The following RBBP8NL variants were observed in gnomAD, a reference collection of about 807,000 sequenced individuals.
RBBP8NL encodes RBBP8 N-terminal-like protein.
RBBP8NL carries 59 observed loss-of-function variants against 62.2 expected under a neutral mutation model. The observed-to-expected ratio is 0.95, with a 90% CI of 0.77 to 1.18. The LOEUF is 1.18. RBBP8NL is among the 50% of genes most tolerant of loss of function. The pLI is 0.00. For synonymous variants in RBBP8NL, 412 were observed against 394.1 expected (o/e 1.05, Z -0.54); for missense variants, 896 against 899.5 (o/e 1.00, Z 0.05).
intron 8 of RBBP8NL, 77 bp from the exon 9 acceptor site, chr20:62,415,364 C>A: frequency 6.8e-7 from 1 of 1,471,938 alleles, no homozygotes; most frequent in African/African-American, 1.4e-5. Flanking sequence ...CCTCTGCTGC[C>A]TGCCCTGGGC....
intron 1 of RBBP8NL, among the ~76,000 whole-genome samples, chr20:62,422,584 T>A (rs866271058): frequency 6.7e-4 from 37 of 54,980 alleles, no homozygotes; most frequent in African/African-American, 2.8e-3. Flanking sequence ...GGATGGCGAC[T>A]GGGGTGGGGA....
At chr20:62,416,280 G>T in intron 5 of RBBP8NL, 44 bp from the exon 6 acceptor site, 3 of 602,868 alleles carry the variant, frequency 5.0e-6, no homozygotes, top group South Asian at 1.5e-5. Flanking sequence ...GGTTGGGGGG[G>T]ACAGGGGCAG....
At position 62,421,222 on chromosome 20, in the gene RBBP8NL, C is replaced by T. The variant is rs974825754; in HGVS notation, c.-83-1492G>A. Among the ~76,000 whole-genome samples, 45 of 152,094 alleles carry T rather than the reference C, an allele frequency of 3.0e-4. 1 individual carries two copies. The highest frequency in any genetic ancestry group is 3.4e-3 in the Middle Eastern group (1 of 294). On this transcript the variant is annotated intron_variant, in intron 1 of 13. Transcript: ENST00000252998. ...CGGGTGGGGGAGTGTGTGTGTTTGC[C>T]GTGTGTGTGCACGCCCGAGCCAGTG...
At chr20:62,418,562 C>G in intron 2 of RBBP8NL, 97 bp from the exon 3 acceptor site, 1 of 1,211,564 alleles carries the variant, frequency 8.3e-7, no homozygotes, top group Non-Finnish European at 1.2e-6. Flanking sequence ...CAATGTGGCA[C>G]TCCTGTCCCC....
rs1219482136 is a variant in RBBP8NL at position 62,417,981 on chromosome 20, C to A, written c.104+442G>T. On this transcript the variant is annotated intron_variant, in intron 3 of 13. Transcript: ENST00000252998. ...TGTGACGTCTGTCCTGTCCACACAC[C>A]GCCCCCCCTGTCATCTGCACGCTCC... Among the ~76,000 whole-genome samples, 11 of 129,380 alleles carry A rather than the reference C, an allele frequency of 8.5e-5. 1 individual carries two copies. The highest frequency in any genetic ancestry group is 6.0e-4 in the Admixed American group (8 of 13,332). 84.9% of individuals were successfully genotyped at this position (129,380 alleles called of 152,430 possible).
chr20:62,419,470 A>C lies in RBBP8NL; in HGVS notation c.61+117T>G, dbSNP rs536721563. The C allele has an allele frequency of 2.7e-5, 30 of 1,119,862 alleles. No individual in the cohort carries two copies. The South Asian group carries it at 4.1e-4, about 15-fold the overall frequency. The allele number at this position is 1,119,862 out of a possible 1,614,324, so 69.4% of individuals were successfully genotyped here. ...TGCCTGGGCCAAAAAGACGGGGTCC[A>C]TTCCCTGACTTGGTGGGAATTGGAG... On this transcript the variant is annotated intron_variant, in intron 2 of 13. Transcript: ENST00000252998.
rs549605827 is a variant in RBBP8NL at position 62,423,587 on chromosome 20, G to A, written c.-83-3857C>T. ...CTGGGCCGACGCCCATAAAGGAGCC[G>A]CCCAAGGGAGCCCATGGTGCCTGCG... On this transcript the variant is annotated intron_variant, in intron 1 of 13. Transcript: ENST00000252998. Among the ~76,000 whole-genome samples the A allele has an allele frequency of 7.2e-5, 11 of 152,290 alleles. No individual in the cohort carries two copies. The South Asian group carries it at 8.3e-4, about 11-fold the overall frequency.
In RBBP8NL at chr20:62,416,232, G is replaced by A. The variant is rs777139388; in HGVS notation, c.318C>T (p.Asn106=). The A allele has an allele frequency of 5.7e-6, 9 of 1,591,862 alleles. No homozygotes were observed. The highest frequency in any genetic ancestry group is 5.4e-5 in the African/African-American group (4 of 73,924). Residue 106 remains asparagine (N), a synonymous_variant, in exon 6 of 14, where the codon AAC becomes AAT. Transcript: ENST00000252998. The part of the protein sequence containing the change: ...QNLQRIFILT[N]EMNGLKEENE... ...TCTCTTCCTTCAGCCCGTTCATCTC[G>A]TTGGCTGCAAAAGGCACTGATGAGC...
Position 62,414,039 on chromosome 20 carries a change from G to A in RBBP8NL, c.1312C>T (p.Leu438=), listed in dbSNP as rs1292890167. 2 of 1,591,298 alleles carry A rather than the reference G, an allele frequency of 1.3e-6. No individual in the cohort carries two copies. The highest frequency in any genetic ancestry group is 1.7e-6 in the Non-Finnish European group (2 of 1,169,968). ...TCCGAGAGGTCCAGGGGCTTGTCTA[G>A]GGCACAGTCCTGCGTGGCTGCAGCC... The part of the protein sequence containing the change: ...TEAAATQDCA[L]DKPLDLSEWG... Residue 438 remains leucine, a synonymous_variant, in exon 10 of 14, where the codon CTA becomes TTA. Transcript: ENST00000252998.
At chr20:62,422,636 C>A (rs1222379826) in intron 1 of RBBP8NL, among the ~76,000 whole-genome samples, 1 of 89,088 alleles carries the variant, frequency 1.1e-5, no homozygotes, top group East Asian at 3.9e-4. Flanking sequence ...GGGGATGGGG[C>A]CCGGGGTGGG....
chr20:62,413,390 G>C lies in RBBP8NL; in HGVS notation c.1675+11C>G, dbSNP rs772294634. On this transcript the variant is annotated intron_variant, in intron 11 of 13. Transcript: ENST00000252998. ...TCCCAGCTGGACTCTGACCCCAGGT[G>C]CTGACTGTACCTGGGTGGCCGTCCA... 4 of 1,423,632 alleles carry C rather than the reference G, an allele frequency of 2.8e-6. No homozygotes were observed. The highest frequency in any genetic ancestry group is 3.7e-6 in the Non-Finnish European group (4 of 1,089,724). 88.2% of individuals were successfully genotyped at this position (1,423,632 alleles called of 1,614,324 possible).
chr20:62,417,923 C>T (rs1331285520), intron 3 of RBBP8NL, among the ~76,000 whole-genome samples: 1 of 80,668 alleles, frequency 1.2e-5, no homozygotes, highest in Non-Finnish European at 2.4e-5. Context: ...GTCCTGTCCA[C>T]GCAACGCCCC....
At chr20:62,419,397 C>A (rs2146442842) in intron 2 of RBBP8NL, among the ~76,000 whole-genome samples, 190 bp downstream of exon 2, 1 of 152,272 alleles carries the variant, frequency 6.6e-6, no homozygotes, top group African/African-American at 2.4e-5. Flanking sequence ...CGGGCCCAGG[C>A]AGGGTGTCTG....
intron 1 of RBBP8NL, among the ~76,000 whole-genome samples, chr20:62,425,534 G>T (rs1427305689): frequency 6.6e-6 from 1 of 152,238 alleles, no homozygotes; most frequent in Non-Finnish European, 1.5e-5. Flanking sequence ...ACATTGTCCG[G>T]CCGAGTGCCA....
chr20:62,413,352 T>A, intron 11 of RBBP8NL, 49 bp downstream of exon 11: 1 of 1,374,204 alleles, frequency 7.3e-7, no homozygotes, highest in Non-Finnish European at 9.4e-7. Flanking sequence ...TCTCTCTCCG[T>A]GGGGAAAACA....
chr20:62,419,518 C>T (rs1988653304), intron 2 of RBBP8NL, 69 bp downstream of exon 2: 2 of 1,529,782 alleles, frequency 1.3e-6, no homozygotes, highest in African/African-American at 2.7e-5. Context: ...GCACAGTGGC[C>T]TGCTCCGACC....
chr20:62,423,923 C>T (rs1385304668), intron 1 of RBBP8NL, among the ~76,000 whole-genome samples: 1 of 152,142 alleles, frequency 6.6e-6, no homozygotes, highest in Non-Finnish European at 1.5e-5. Context: ...CTGGCTTTTT[C>T]TTCCCGAGTC....
intron 6 of RBBP8NL, 102 bp downstream of exon 6, chr20:62,416,062 G>A (rs1988557668): frequency 1.4e-5 from 21 of 1,471,170 alleles, no homozygotes; most frequent in Non-Finnish European, 1.9e-5. Flanking sequence ...GACACTGCCT[G>A]AGAGTCCTCC....
chr20:62,421,861 T>C (rs180749719), intron 1 of RBBP8NL, among the ~76,000 whole-genome samples: 1 of 150,648 alleles, frequency 6.6e-6, no homozygotes, highest in Non-Finnish European at 1.5e-5. Flanking sequence ...GTGTGTGCCA[T>C]GTGTGTGCAT....
Sources: gnomAD v4.1 joint callset for allele counts (sites outside exome capture counted in the v4.1 genomes callset) on GRCh38, gnomAD v4.1.1 for gene constraint, MANE v1.5 for transcripts, NCBI Gene and HGNC (gene_info 2026-07-23, HGNC 2026-07-21) for gene names.